FSTL5: variants seen among roughly 807,000 people sequenced by gnomAD.
The protein encoded by FSTL5 is follistatin-related protein 5.
Under a neutral mutation model 89.1 loss-of-function variants are expected in FSTL5, and 62 were observed. The observed-to-expected ratio is 0.70, with a 90% CI of 0.57 to 0.86. The LOEUF (loss-of-function observed/expected upper bound fraction) is 0.86, where lower values mean the gene tolerates loss of function less well. FSTL5 is among the 40% of genes least tolerant of loss of function. The pLI, the probability that FSTL5 is intolerant of heterozygous loss-of-function variation, is 0.00. For missense variants in FSTL5, 1,057 were observed against 1,001.6 expected, an observed-to-expected ratio of 1.06 and a Z score of -0.75; for synonymous variants, 383 against 346.2, an observed-to-expected ratio of 1.11 and a Z score of -1.18.
chr4:161,728,341 C>G (rs1265606404), intron 6 of FSTL5, among the ~76,000 whole-genome samples: 1 of 152,032 alleles, frequency 6.6e-6, no homozygotes, highest in Non-Finnish European at 1.5e-5. Flanking sequence ...GAAACGGGGG[C>G]ATTTGGAGTC....
intron 9 of FSTL5, among the ~76,000 whole-genome samples, chr4:161,539,350 A>G (rs565836959): frequency 6.6e-6 from 1 of 152,192 alleles, no homozygotes; most frequent in South Asian, 2.1e-4. Context: ...CCAATGAGAA[A>G]ACAGCTTGAT....
chr4:162,084,464 T>G (rs2111341197), intron 2 of FSTL5, among the ~76,000 whole-genome samples: 1 of 151,994 alleles, frequency 6.6e-6, no homozygotes, highest in Non-Finnish European at 1.5e-5. Context: ...TATTACAAAC[T>G]TCTGCACATG....
intron 6 of FSTL5, among the ~76,000 whole-genome samples, chr4:161,735,876 T>C (rs1739793164): frequency 6.6e-6 from 1 of 152,134 alleles, no homozygotes; most frequent in Admixed American, 6.5e-5. Context: ...TCTTATTTTT[T>C]TCCTTAAAAC....
intron 6 of FSTL5, among the ~76,000 whole-genome samples, chr4:161,757,209 G>T (rs1483938769): frequency 6.6e-6 from 1 of 152,040 alleles, no homozygotes; most frequent in Non-Finnish European, 1.5e-5. Context: ...TTGTCCTTAA[G>T]ATTAATTTAG....
intron 4 of FSTL5, among the ~76,000 whole-genome samples, chr4:161,915,090 G>C (rs1295428975): frequency 6.6e-6 from 1 of 152,162 alleles, no homozygotes; most frequent in East Asian, 1.9e-4. Context: ...TCCTGTCCCA[G>C]TTCAGGTTAA....
At position 161,452,639 on chromosome 4, in the gene FSTL5, ACGG is replaced by A. The variant is rs1244054254; in HGVS notation, c.1841+2362_1841+2364del. The stretch of plus-strand genomic sequence containing the variant: ...ATGTTAATTTTTACTTCTCGCATTC[ACGG>A]TAGTAAAATGAGTAATTACTTTGAA... On this transcript the variant is annotated intron_variant, in intron 15 of 15. Coordinates refer to ENST00000306100, the MANE Select transcript of FSTL5 (RefSeq NM_020116.5). Among the ~76,000 whole-genome samples, 1,274 of 152,300 alleles carry A rather than the reference ACGG, an allele frequency of 8.4e-3. 16 individuals carry two copies. The highest frequency in any genetic ancestry group is 0.03 in the African/African-American group (1,231 of 41,560).
chr4:162,095,855 C>T (rs1406336920), intron 2 of FSTL5, among the ~76,000 whole-genome samples: 1 of 151,926 alleles, frequency 6.6e-6, no homozygotes, highest in African/African-American at 2.4e-5. Flanking sequence ...TTAAAATACA[C>T]ACGTTACATG....
intron 15 of FSTL5, among the ~76,000 whole-genome samples, chr4:161,441,958 T>C (rs1040211155): frequency 6.6e-6 from 1 of 152,066 alleles, no homozygotes; most frequent in Non-Finnish European, 1.5e-5. Context: ...TAACTTGAGC[T>C]AGTTCTTGCA....
intron 4 of FSTL5, among the ~76,000 whole-genome samples, chr4:161,785,660 T>C (rs1741878760): frequency 6.6e-6 from 1 of 152,188 alleles, no homozygotes; most frequent in Non-Finnish European, 1.5e-5. Context: ...TACTTTGGTT[T>C]GGACTAAACC....
At chr4:161,997,372 G>A (rs940186958) in intron 3 of FSTL5, among the ~76,000 whole-genome samples, 11 of 152,122 alleles carry the variant, frequency 7.2e-5, no homozygotes, top group Non-Finnish European at 4.4e-5. Context: ...GGAAACATGA[G>A]ATGCACACAT....
At chr4:161,417,733 G>A (rs1297887546) in intron 15 of FSTL5, among the ~76,000 whole-genome samples, 1 of 152,176 alleles carries the variant, frequency 6.6e-6, no homozygotes, top group Non-Finnish European at 1.5e-5. Context: ...AAGGAAATTA[G>A]TTAAATCACA....
chr4:161,614,762 C>T (rs972614134), intron 7 of FSTL5, among the ~76,000 whole-genome samples: 4 of 152,126 alleles, frequency 2.6e-5, no homozygotes, highest in Admixed American at 6.5e-5. Flanking sequence ...CAACTTATTA[C>T]TATATTCTAA....
At chr4:161,902,628 A>G (rs1733401475) in intron 4 of FSTL5, among the ~76,000 whole-genome samples, 1 of 152,090 alleles carries the variant, frequency 6.6e-6, no homozygotes. Flanking sequence ...CGGGAGGATC[A>G]TGAGGTCAGG....
Position 162,059,096 on chromosome 4 carries a change from G to A in FSTL5, c.127-25438C>T, listed in dbSNP as rs111786885. Among the ~76,000 whole-genome samples, 335 of 152,200 alleles carry A rather than the reference G, an allele frequency of 2.2e-3. 2 individuals carry two copies. The highest frequency in any genetic ancestry group is 7.7e-3 in the African/African-American group (319 of 41,540). The stretch of plus-strand genomic sequence containing the variant: ...ATTTAAAATGATTAATACTTAAAGG[G>A]CCATAGGCATATCTTTTAAACAACA... On this transcript the variant is annotated intron_variant, in intron 2 of 15. Transcript: ENST00000306100.
At chr4:161,835,712 A>G (rs1347470118) in intron 4 of FSTL5, among the ~76,000 whole-genome samples, 1 of 152,234 alleles carries the variant, frequency 6.6e-6, no homozygotes, top group African/African-American at 2.4e-5. Flanking sequence ...AATGCTCATC[A>G]TCACTGGCTA....
intron 13 of FSTL5, among the ~76,000 whole-genome samples, chr4:161,478,728 A>T (rs1278713190): frequency 6.6e-6 from 1 of 152,122 alleles, no homozygotes; most frequent in Admixed American, 6.6e-5. Flanking sequence ...CTAATAAAAA[A>T]GTTTTCACAT....
At chr4:161,589,233 G>T (rs992671257) in intron 7 of FSTL5, among the ~76,000 whole-genome samples, 1 of 151,926 alleles carries the variant, frequency 6.6e-6, no homozygotes, top group Admixed American at 6.6e-5. Context: ...AAGTGCAATG[G>T]CATGACCTCG....
intron 7 of FSTL5, among the ~76,000 whole-genome samples, chr4:161,588,074 T>C (rs1311873014): frequency 2.0e-5 from 3 of 152,212 alleles, no homozygotes; most frequent in African/African-American, 7.2e-5. Flanking sequence ...CTCCAGAGGC[T>C]GAGGCAGGAC....
At chr4:161,783,779 C>A (rs1354037787) in intron 4 of FSTL5, among the ~76,000 whole-genome samples, 1 of 134,846 alleles carries the variant, frequency 7.4e-6, no homozygotes, top group African/African-American at 2.8e-5. Flanking sequence ...TCTTTCTTGA[C>A]AGATTCTCAC....
Sources: allele counts gnomAD v4.1 joint callset (sites outside exome capture counted in the v4.1 genomes callset), GRCh38; gene constraint gnomAD v4.1.1; transcripts MANE v1.5; gene names NCBI Gene and HGNC (gene_info 2026-07-23, HGNC 2026-07-21).